UBAP2L: variants seen among roughly 807,000 people sequenced by gnomAD.
UBAP2L encodes ubiquitin-associated protein 2-like.
A neutral mutation model predicts 130.6 loss-of-function variants in UBAP2L; 12 were observed. The observed-to-expected ratio is 0.09, with a 90% CI of 0.06 to 0.15. The LOEUF (loss-of-function observed/expected upper bound fraction) is 0.15, where lower values mean the gene tolerates loss of function less well. Ranked by LOEUF, UBAP2L falls within the 10% of genes least tolerant of loss-of-function variation. The probability of loss-of-function intolerance (pLI) is 1.00; values close to 1 mark genes in which losing one functional copy is unlikely to be tolerated. For synonymous variants in UBAP2L, 503 were observed against 524.7 expected, an observed-to-expected ratio of 0.96 and a Z score of 0.57; for missense variants, 965 against 1,332.5, an observed-to-expected ratio of 0.72 and a Z score of 4.29.
chr1:154,254,864 A>G lies in UBAP2L; in HGVS notation c.1883A>G (p.Gln628Arg). 1 of 1,602,798 alleles carries G rather than the reference A, an allele frequency of 6.2e-7. No homozygotes were observed. Residue 628 changes from glutamine to arginine, a missense_variant, in exon 16 of 27, where the codon CAG (glutamine) becomes CGG (arginine). Transcript: ENST00000428931. ...KNGFSSVQAT[Q>R]LQTTQSVEGA... ...GGCTTCAGTTCTGTGCAGGCCACGC[A>G]GTTACAGACCACACAATCTGTTGAA...
chr1:154,230,623 C>T (rs1197292994), intron 4 of UBAP2L, among the ~76,000 whole-genome samples: 2 of 151,996 alleles, frequency 1.3e-5, no homozygotes, highest in East Asian at 1.9e-4. Context: ...AATGTTTTTT[C>T]GCAAATCACA....
Position 154,268,821 on chromosome 1 carries a change from C to T in UBAP2L, c.3035C>T (p.Ala1012Val). Residue 1012 changes from alanine to valine, a missense_variant, in exon 26 of 27, where the codon GCC (alanine) becomes GTC (valine). Transcript: ENST00000428931. ...GCTGCTTCCTTCAACTTGCCTTCAG[C>T]CCTAGGAAGTGGGGGCCCCATCAAT... ...TPAASFNLPS[A>V]LGSGGPINPA... is the part of the protein sequence containing the mutation. 6.2e-7 allele frequency: 1 copy of T among 1,614,132 alleles called. No homozygotes were observed. The highest frequency in any genetic ancestry group is 1.3e-5 in the African/African-American group (1 of 75,026).
chr1:154,246,598 A>G (rs184533207), intron 11 of UBAP2L, among the ~76,000 whole-genome samples: 11 of 152,330 alleles, frequency 7.2e-5, no homozygotes, highest in Admixed American at 3.9e-4. Flanking sequence ...ATAAGTTAAC[A>G]TTATTTATTG....
chr1:154,228,812 T>C, intron 4 of UBAP2L, 87 bp downstream of exon 4: 1 of 931,944 alleles, frequency 1.1e-6, no homozygotes, highest in South Asian at 1.6e-5. Flanking sequence ...CAACATACCT[T>C]AAAGCAGAGC....
At chr1:154,266,720 T>C (rs1683334708) in intron 25 of UBAP2L, 152 bp downstream of exon 25, 1 of 779,980 alleles carries the variant, frequency 1.3e-6, no homozygotes, top group South Asian at 1.7e-5. Context: ...TTCTCTAGAC[T>C]TCACTTCCTC....
chr1:154,258,885 G>T, intron 20 of UBAP2L, 92 bp from the exon 21 acceptor site: 1 of 1,026,056 alleles, frequency 9.7e-7, no homozygotes, highest in South Asian at 1.3e-5. Flanking sequence ...GAATGAGGAT[G>T]AATGTTCTGT....
chr1:154,261,535 G>T, intron 23 of UBAP2L, 57 bp from the exon 24 acceptor site: 1 of 1,535,298 alleles, frequency 6.5e-7, no homozygotes, highest in Non-Finnish European at 9.0e-7. Context: ...CAGGACAAGT[G>T]GGACAGATGG....
At chr1:154,233,315 CTTTTTTTTCTT>C (rs1400532467) in intron 4 of UBAP2L, among the ~76,000 whole-genome samples, 2 of 149,688 alleles carry the variant, frequency 1.3e-5, no homozygotes, top group Non-Finnish European at 3.0e-5. Flanking sequence ...GCGCCTGGCC[CTTTTTTTTCTT>C]TTTTTTTCTT....
intron 11 of UBAP2L, 55 bp downstream of exon 11, chr1:154,246,430 C>G: frequency 6.5e-7 from 1 of 1,549,280 alleles, no homozygotes; most frequent in South Asian, 1.2e-5. Flanking sequence ...TCCTAGCACA[C>G]ATACACAGTT....
intron 8 of UBAP2L, 45 bp from the exon 9 acceptor site, chr1:154,241,468 G>A: frequency 6.3e-7 from 1 of 1,580,410 alleles, no homozygotes; most frequent in Non-Finnish European, 8.7e-7. Context: ...GCTTTGTACT[G>A]GCATTTAATA....
At chr1:154,220,530 G>T (rs544910425), upstream of UBAP2L, 4 of 1,071,422 alleles carry the variant, frequency 3.7e-6, no homozygotes, top group African/African-American at 4.7e-5. Context: ...CCTTACGGGG[G>T]AAGACCAAGC....
chr1:154,226,764 GA>G (rs1171845886), intron 2 of UBAP2L, among the ~76,000 whole-genome samples: 1 of 152,196 alleles, frequency 6.6e-6, no homozygotes, highest in Non-Finnish European at 1.5e-5. Flanking sequence ...GAAGATTGGT[GA>G]ATGAGTTCCT....
chr1:154,257,239 C>T lies in UBAP2L; in HGVS notation c.2334C>T (p.Ser778=). 1 of 1,614,224 alleles carries T rather than the reference C, an allele frequency of 6.2e-7. No individual in the cohort carries two copies. The highest frequency in any genetic ancestry group is 2.2e-5 in the East Asian group (1 of 44,886). ...SNSTVTASTR[S]SVATTSGKAP... ...CCACTGTCACAGCCTCGACTCGAAG[C>T]TCAGTTGCTACGACTTCAGGTAGCC... The change falls in exon 19 of 27, where the codon AGC becomes AGT. Residue 778 remains serine (S), a synonymous_variant. Transcript: ENST00000428931.
intron 4 of UBAP2L, among the ~76,000 whole-genome samples, chr1:154,229,763 C>T (rs1401982803): frequency 6.6e-6 from 1 of 152,172 alleles, no homozygotes; most frequent in Admixed American, 6.5e-5. Context: ...CGCACCTGGC[C>T]CAGTGTATTA....
chr1:154,259,934 C>T lies in UBAP2L; in HGVS notation c.2497-14C>T, dbSNP rs545074271. On this transcript the variant is annotated splice_polypyrimidine_tract_variant and intron_variant, in intron 21 of 26. Coordinates refer to ENST00000428931, the MANE Select transcript of UBAP2L (RefSeq NM_014847.4). ...TGACATTGAATCTCTGCTCTTTTTT[C>T]CCCTCTTTTCTAGGATTACTACAGC... 5 of 1,611,926 alleles carry T rather than the reference C, an allele frequency of 3.1e-6. No individual in the cohort carries two copies. The African/African-American group carries it at 5.3e-5, about 17-fold the overall frequency.
At chr1:154,263,887 T>G (rs1202312770) in intron 24 of UBAP2L, among the ~76,000 whole-genome samples, 1 of 152,172 alleles carries the variant, frequency 6.6e-6, no homozygotes, top group Middle Eastern at 3.2e-3. Context: ...AAGGCTTAAT[T>G]CCCACATCTA....
At chr1:154,228,583 G>A in intron 3 of UBAP2L, 32 bp from the exon 4 acceptor site, 1 of 1,534,866 alleles carries the variant, frequency 6.5e-7, no homozygotes. Context: ...GCATAAGCCT[G>A]TTCATGATGG....
Position 154,243,310 on chromosome 1 carries a change from T to A in UBAP2L, c.842+8T>A. 1 of 1,610,518 alleles carries A rather than the reference T, an allele frequency of 6.2e-7. No homozygotes were observed. The highest frequency in any genetic ancestry group is 8.5e-7 in the Non-Finnish European group (1 of 1,177,362). ...AATCACTGCTGGTCAGAGGCAAGTG[T>A]GCAGTAAAATTTAGTACCATTTCTT... On this transcript the variant is annotated splice_region_variant and intron_variant, in intron 10 of 26. Transcript: ENST00000428931.
chr1:154,255,842 A>C, intron 18 of UBAP2L, 87 bp downstream of exon 18: 1 of 1,518,692 alleles, frequency 6.6e-7, no homozygotes, highest in Non-Finnish European at 9.1e-7. Flanking sequence ...AATTATTGAA[A>C]ATTTCTTCAT....
Sources: gnomAD v4.1 joint callset for allele counts (sites outside exome capture counted in the v4.1 genomes callset) on GRCh38, gnomAD v4.1.1 for gene constraint, MANE v1.5 for transcripts, NCBI Gene and HGNC (gene_info 2026-07-23, HGNC 2026-07-21) for gene names.